The following DAB1 variants were observed in gnomAD, a reference collection of about 807,000 sequenced individuals.
The protein encoded by DAB1 is DAB adaptor protein 1.
A neutral mutation model predicts 64.6 loss-of-function variants in DAB1; 15 were observed. That is an observed-to-expected ratio of 0.23 (90% CI 0.16 to 0.36). DAB1 has a LOEUF of 0.36. Ranked by LOEUF, DAB1 falls within the 10% of genes least tolerant of loss-of-function variation. The pLI, the probability that DAB1 is intolerant of heterozygous loss-of-function variation, is 1.00. For synonymous variants in DAB1, 235 were observed against 251.9 expected, an observed-to-expected ratio of 0.93 and a Z score of 0.64; for missense variants, 596 against 706.7, an observed-to-expected ratio of 0.84 and a Z score of 1.78.
chr1:57,595,760 T>C (rs1173370931), intron 7 of DAB1, among the ~76,000 whole-genome samples: 1 of 152,054 alleles, frequency 6.6e-6, no homozygotes, highest in Non-Finnish European at 1.5e-5. Context: ...TGATAGTGAA[T>C]GAGTGAGTTA....
At chr1:58,141,688 TG>T (rs532540106) in intron 5 of DAB1, among the ~76,000 whole-genome samples, 160 of 152,216 alleles carry the variant, frequency 1.1e-3, no homozygotes, top group African/African-American at 3.7e-3. Flanking sequence ...GAGATTTGCA[TG>T]GGGACAAATA....
chr1:58,512,047 A>G (rs1008939555), intron 2 of DAB1, among the ~76,000 whole-genome samples: 22 of 152,196 alleles, frequency 1.4e-4, no homozygotes, highest in African/African-American at 5.1e-4. Flanking sequence ...AAGAATTTCT[A>G]CAACTCAATA....
At chr1:57,405,270 A>C (rs1367754639) in intron 1 of DAB1, among the ~76,000 whole-genome samples, 2 of 152,224 alleles carry the variant, frequency 1.3e-5, no homozygotes, top group Non-Finnish European at 2.9e-5. Context: ...GTAACAGAAG[A>C]GTTTGATAAA....
chr1:58,356,543 G>A (rs1016024185), intron 3 of DAB1, among the ~76,000 whole-genome samples: 16 of 152,162 alleles, frequency 1.1e-4, no homozygotes, highest in African/African-American at 3.9e-4. Context: ...TGATTTGAAC[G>A]ACAAGCAGAG....
chr1:57,717,323 G>T (rs542373862), intron 6 of DAB1, among the ~76,000 whole-genome samples: 26 of 151,348 alleles, frequency 1.7e-4, no homozygotes, highest in African/African-American at 6.0e-4. Context: ...TGAAAAAAAT[G>T]ATCAAAAAAA....
chr1:57,433,222 AC>A (rs1685576961), intron 7 of DAB1, among the ~76,000 whole-genome samples: 1 of 152,200 alleles, frequency 6.6e-6, no homozygotes, highest in Non-Finnish European at 1.5e-5. Context: ...TAAAAAATAT[AC>A]ATGAGAATGC....
intron 3 of DAB1, among the ~76,000 whole-genome samples, chr1:58,375,042 C>T (rs1468935421): frequency 7.1e-6 from 1 of 140,652 alleles, no homozygotes; most frequent in Admixed American, 7.1e-5. Flanking sequence ...TATCCTGAGA[C>T]TTTGCTGAAG....
intron 6 of DAB1, among the ~76,000 whole-genome samples, chr1:57,761,894 T>C (rs905432525): frequency 2.5e-4 from 38 of 152,326 alleles, no homozygotes; most frequent in Admixed American, 5.9e-4. Context: ...TGCAGAGCCC[T>C]GTTGGTGATG....
chr1:57,525,443 G>GAA (rs11389551), intron 7 of DAB1, among the ~76,000 whole-genome samples: 2 of 151,714 alleles, frequency 1.3e-5, no homozygotes, highest in Non-Finnish European at 2.9e-5. Context: ...TAAGGAAATT[G>GAA]AAAAAAAGGA....
intron 4 of DAB1, among the ~76,000 whole-genome samples, chr1:58,245,235 C>A (rs1344479960): frequency 6.6e-6 from 1 of 152,204 alleles, no homozygotes; most frequent in Non-Finnish European, 1.5e-5. Context: ...CTGCCCCATT[C>A]AGTCACTGTA....
chr1:58,183,382 C>T (rs1339556884), intron 4 of DAB1, among the ~76,000 whole-genome samples: 1 of 151,088 alleles, frequency 6.6e-6, no homozygotes, highest in Non-Finnish European at 1.5e-5. Flanking sequence ...CACACAGCTG[C>T]ACCTATGTGT....
intron 2 of DAB1, among the ~76,000 whole-genome samples, chr1:57,183,945 GA>G (rs1408334081): frequency 5.3e-5 from 8 of 152,254 alleles, no homozygotes; most frequent in African/African-American, 1.9e-4. Context: ...GGACATAGAG[GA>G]TATCAGTAGA....
intron 5 of DAB1, among the ~76,000 whole-genome samples, chr1:58,016,543 A>G (rs1019045181): frequency 5.9e-5 from 9 of 152,104 alleles, no homozygotes; most frequent in African/African-American, 1.9e-4. Flanking sequence ...GGTACTTCAA[A>G]CTCAACATGT....
intron 5 of DAB1, among the ~76,000 whole-genome samples, chr1:58,021,535 C>A: frequency 6.6e-6 from 1 of 152,052 alleles, no homozygotes; most frequent in Non-Finnish European, 1.5e-5. Context: ...TAAGGGAATT[C>A]CTACTAATAA....
chr1:57,339,420 G>C (rs1259881046), intron 1 of DAB1, among the ~76,000 whole-genome samples: 1 of 152,128 alleles, frequency 6.6e-6, no homozygotes, highest in South Asian at 2.1e-4. Context: ...CCTCCCAAAG[G>C]GCTGGGATTA....
chr1:57,166,361 G>A (rs1464609912), intron 2 of DAB1, among the ~76,000 whole-genome samples: 1 of 152,112 alleles, frequency 6.6e-6, no homozygotes, highest in South Asian at 2.1e-4. Context: ...GAAGAAAAGA[G>A]AGATACAAAT....
chr1:57,257,773 C>T (rs1378787972), intron 2 of DAB1, among the ~76,000 whole-genome samples: 1 of 152,230 alleles, frequency 6.6e-6, no homozygotes, highest in African/African-American at 2.4e-5. Context: ...CCCCTTGCCT[C>T]TTCAAGGCTT....
intron 6 of DAB1, among the ~76,000 whole-genome samples, chr1:57,687,612 A>AAAAAAG (rs1553209048): frequency 6.7e-6 from 1 of 149,372 alleles, no homozygotes; most frequent in African/African-American, 2.4e-5. Flanking sequence ...AAAAAAAAAA[A>AAAAAAG]AAAAAAAGAA....
At chr1:57,182,164 T>A (rs868503830) in intron 2 of DAB1, among the ~76,000 whole-genome samples, 1 of 152,272 alleles carries the variant, frequency 6.6e-6, no homozygotes, top group African/African-American at 2.4e-5. Context: ...GGATTACAGG[T>A]GTGAGCCACC....
Sources: gnomAD v4.1 joint callset for allele counts (sites outside exome capture counted in the v4.1 genomes callset) on GRCh38, gnomAD v4.1.1 for gene constraint, MANE v1.5 for transcripts, NCBI Gene and HGNC (gene_info 2026-07-23, HGNC 2026-07-21) for gene names.